Variants in MAPKAP1 observed in about 807,000 individuals in gnomAD.
MAPKAP1 encodes the protein target of rapamycin complex 2 subunit MAPKAP1.
A neutral mutation model predicts 65.7 loss-of-function variants in MAPKAP1; 20 were observed. That is an observed-to-expected ratio of 0.30 (90% CI 0.21 to 0.44). The LOEUF is 0.44. MAPKAP1 is among the 20% of genes least tolerant of loss of function. MAPKAP1 has a pLI of 1.00. For synonymous variants in MAPKAP1, 222 were observed against 244.3 expected (o/e 0.91, Z 0.85); for missense variants, 423 against 648.0 (o/e 0.65, Z 3.77).
chr9:125,460,515 C>T (rs537767298), intron 10 of MAPKAP1, among the ~76,000 whole-genome samples: 8 of 152,292 alleles, frequency 5.3e-5, no homozygotes, highest in African/African-American at 1.9e-4. Flanking sequence ...ATACACATAA[C>T]GTCCCCTATG....
chr9:125,459,552 T>C (rs939750630), intron 10 of MAPKAP1, among the ~76,000 whole-genome samples: 9 of 152,190 alleles, frequency 5.9e-5, no homozygotes, highest in African/African-American at 2.2e-4. Flanking sequence ...CGAGACTCCG[T>C]CTGCAATCCC....
chr9:125,466,048 C>T (rs1853659668), intron 10 of MAPKAP1, among the ~76,000 whole-genome samples: 1 of 152,212 alleles, frequency 6.6e-6, no homozygotes, highest in Non-Finnish European at 1.5e-5. Flanking sequence ...TCTGCAAAGG[C>T]TATGCTGGTC....
In MAPKAP1 at chr9:125,525,951, C is replaced by G. The variant is rs75717356; in HGVS notation, c.958+17108G>C. Among the ~76,000 whole-genome samples the G allele has an allele frequency of 4.5e-3, 681 of 152,286 alleles. 4 individuals carry two copies. Among genetic ancestry groups the G allele is most frequent in the African/African-American group, 0.015 (639 of 41,534 alleles). The stretch of plus-strand genomic sequence containing the variant: ...CAGCCACCTCCTGAAATAAATCCTC[C>G]AAGGCTCTCAGAAGAGGAGAATGCA... On this transcript the variant is annotated intron_variant, in intron 7 of 11. Transcript: ENST00000265960.
intron 10 of MAPKAP1, 134 bp from the exon 11 acceptor site, chr9:125,444,732 T>C (rs550479173): frequency 5.1e-6 from 3 of 592,740 alleles, no homozygotes; most frequent in East Asian, 2.9e-5. Context: ...TTCCCAGGAG[T>C]AGTTCGTTTT....
At chr9:125,539,422 T>C (rs1282703112) in intron 7 of MAPKAP1, among the ~76,000 whole-genome samples, 4 of 152,222 alleles carry the variant, frequency 2.6e-5, no homozygotes, top group African/African-American at 4.8e-5. Flanking sequence ...AACCCCACTT[T>C]GATGCTCTCT....
intron 5 of MAPKAP1, 41 bp from the exon 6 acceptor site, chr9:125,559,850 G>C: frequency 1.3e-6 from 2 of 1,579,024 alleles, no homozygotes; most frequent in Non-Finnish European, 1.7e-6. Context: ...ACCAAGGTAG[G>C]GAAGGGACAA....
intron 8 of MAPKAP1, among the ~76,000 whole-genome samples, chr9:125,490,538 T>C (rs987055159): frequency 6.6e-6 from 1 of 151,658 alleles, no homozygotes; most frequent in Admixed American, 6.6e-5. Context: ...AAACTCTGTC[T>C]CAAAAAACAA....
rs113602406 is a variant in MAPKAP1, at chr9:125,662,898, G to A, written c.350-5099C>T. On this transcript the variant is annotated intron_variant, in intron 3 of 11. Transcript: ENST00000265960. ...AAGTATTTAGGTATGAAATCATATA[G>A]TAGCTGGGATTTGCTTAAAAATAAT... Among the ~76,000 whole-genome samples, 565 of 152,182 alleles carry A rather than the reference G, an allele frequency of 3.7e-3. 2 individuals carry two copies. Among genetic ancestry groups the A allele is most frequent in the Middle Eastern group, 6.8e-3 (2 of 294 alleles).
intron 4 of MAPKAP1, among the ~76,000 whole-genome samples, chr9:125,622,951 C>A (rs1224048508): frequency 1.3e-5 from 2 of 152,148 alleles, no homozygotes; most frequent in African/African-American, 4.8e-5. Context: ...CGATTGCAGG[C>A]ACGCGCCGCC....
chr9:125,689,462 A>AAAAAAC lies in MAPKAP1; in HGVS notation c.-69-16820_-69-16819insGTTTTT, dbSNP rs34657276. ...AAAAAAAAAAAAAAAAAAAAAAAAA[A>AAAAAAC]CAGGCCAGGCACAGTGGCTCACGCC... is the stretch of plus-strand genomic sequence containing the variant. On this transcript the variant is annotated intron_variant, in intron 1 of 11. Transcript: ENST00000265960. Among the ~76,000 whole-genome samples, 4 of 104,992 alleles carry AAAAAAC rather than the reference A, an allele frequency of 3.8e-5. 2 individuals carry two copies. The highest frequency in any genetic ancestry group is 2.0e-4 in the Admixed American group (2 of 9,774). 68.9% of individuals were successfully genotyped at this position (104,992 alleles called of 152,430 possible).
chr9:125,506,156 G>A (rs941024330), intron 8 of MAPKAP1, 154 bp downstream of exon 8: 60 of 681,392 alleles, frequency 8.8e-5, no homozygotes, highest in Middle Eastern at 2.4e-4. Context: ...TTTCACTTTG[G>A]GATATACTTT....
At chr9:125,594,876 C>T (rs1039573451) in intron 4 of MAPKAP1, among the ~76,000 whole-genome samples, 3 of 152,164 alleles carry the variant, frequency 2.0e-5, no homozygotes, top group Non-Finnish European at 4.4e-5. Flanking sequence ...ATTCTCTATC[C>T]CAGGTAGAGC....
At chr9:125,636,958 T>C (rs934001031) in intron 4 of MAPKAP1, among the ~76,000 whole-genome samples, 23 of 152,136 alleles carry the variant, frequency 1.5e-4, no homozygotes, top group Non-Finnish European at 8.8e-5. Flanking sequence ...ATGCCACAAG[T>C]CAATATCTAA....
chr9:125,666,370 A>G (rs1223820188), intron 3 of MAPKAP1, among the ~76,000 whole-genome samples: 2 of 152,224 alleles, frequency 1.3e-5, no homozygotes, highest in African/African-American at 4.8e-5. Flanking sequence ...GGATGTTGAC[A>G]GAATAATTGT....
intron 3 of MAPKAP1, among the ~76,000 whole-genome samples, chr9:125,665,077 G>A (rs148685015): frequency 3.6e-4 from 54 of 152,062 alleles, no homozygotes; most frequent in African/African-American, 1.1e-3. Flanking sequence ...CGAGGCGGGC[G>A]GATCACATGA....
intron 1 of MAPKAP1, among the ~76,000 whole-genome samples, chr9:125,703,717 A>G (rs1368791664): frequency 2.0e-5 from 3 of 151,494 alleles, no homozygotes; most frequent in African/African-American, 7.3e-5. Flanking sequence ...GGTTGCAGTC[A>G]GCCAAGATCA....
intron 5 of MAPKAP1, among the ~76,000 whole-genome samples, chr9:125,580,682 T>TAA (rs200466671): frequency 6.8e-6 from 1 of 148,116 alleles, no homozygotes; most frequent in African/African-American, 2.5e-5. Flanking sequence ...CTTAAAAGTA[T>TAA]AAAAAAAAAA....
At chr9:125,547,025 A>G in intron 6 of MAPKAP1, among the ~76,000 whole-genome samples, 1 of 152,068 alleles carries the variant, frequency 6.6e-6, no homozygotes, top group East Asian at 1.9e-4. Flanking sequence ...CGTAAGAAAC[A>G]CTGCCAGGAG....
chr9:125,689,413 C>T (rs1341758628), intron 1 of MAPKAP1, among the ~76,000 whole-genome samples: 6 of 117,478 alleles, frequency 5.1e-5, no homozygotes, highest in East Asian at 2.4e-4. Flanking sequence ...CCAGCCTGGG[C>T]GACAGAGTGA....
Sources: allele counts gnomAD v4.1 joint callset (sites outside exome capture counted in the v4.1 genomes callset), GRCh38; gene constraint gnomAD v4.1.1; transcripts MANE v1.5; gene names NCBI Gene and HGNC (gene_info 2026-07-23, HGNC 2026-07-21).